Variants in PTCH2 observed in about 807,000 individuals in gnomAD.
PTCH2 encodes patched 2.
A neutral mutation model predicts 117.9 loss-of-function variants in PTCH2; 96 were observed. The observed-to-expected ratio is 0.81, with a 90% confidence interval of 0.69 to 0.96. The LOEUF is 0.96. Among genes scored for constraint, PTCH2 ranks in the 50% least tolerant of loss-of-function variants. The probability of loss-of-function intolerance (pLI) is 0.00; values close to 1 mark genes in which losing one functional copy is unlikely to be tolerated. For missense variants in PTCH2, 1,379 were observed against 1,562.5 expected (o/e 0.88, Z 1.98); for synonymous variants, 615 against 660.9 (o/e 0.93, Z 1.06).
Position 44,826,988 on chromosome 1 carries a change from C to T in PTCH2, c.2609G>A (p.Gly870Asp). ...LTVWVSSDPL[G>D]LAASQANFYP... is the part of the protein sequence containing the mutation. ...GAAGTTGGCCTGTGAGGCTGCCAGA[C>T]CCAGGGGGTCACTGCTCACCCACAC... The change falls in exon 17 of 22, where the codon GGT (glycine) becomes GAT (aspartate). Residue 870 changes from glycine (G) to aspartate (D), a missense_variant. Transcript: ENST00000372192. The surrounding 1 kb of genome is among the most constrained non-coding windows in gnomAD (Gnocchi z 5.1). The T allele has an allele frequency of 6.2e-7, 1 of 1,614,078 alleles. No individual in the cohort carries two copies. The highest frequency in any genetic ancestry group is 8.5e-7 in the Non-Finnish European group (1 of 1,180,028).
At position 44,829,169 on chromosome 1, in the gene PTCH2, A is replaced by G. The variant is rs1653306821; in HGVS notation, c.1359T>C (p.Ala453=). Residue 453 remains alanine (A), a synonymous_variant, in exon 10 of 22, where the codon GCT becomes GCC. Coordinates refer to ENST00000372192, the MANE Select transcript of PTCH2 (RefSeq NM_003738.5). ...AGTCCTGGCGTACCTGGGTAGTGGC[A>G]GCATTGAAGGTGATGCCGAGCAGGG... The part of the protein sequence containing the change: ...LCALLGITFN[A]ATTQVLPFLA... The G allele has an allele frequency of 6.2e-7, 1 of 1,613,806 alleles. No homozygotes were observed. The highest frequency in any genetic ancestry group is 1.3e-5 in the African/African-American group (1 of 75,066).
At position 44,829,646 on chromosome 1, in the gene PTCH2, C is replaced by T; in HGVS notation, c.1051G>A (p.Val351Met). The T allele has an allele frequency of 6.2e-7, 1 of 1,614,220 alleles. No homozygotes were observed. Among genetic ancestry groups the T allele is most frequent in the Non-Finnish European group, 8.5e-7 (1 of 1,180,044 alleles). Residue 351 changes from valine (V) to methionine (M), a missense_variant, in exon 8 of 22, where the codon GTG (valine) becomes ATG (methionine). Coordinates refer to ENST00000372192, the MANE Select transcript of PTCH2 (RefSeq NM_003738.5). The stretch of plus-strand genomic sequence containing the variant: ...AAGCGCCGCTGCCAGGCTTGTAGCA[C>T]TGTGCTGGCCTGCTCCTCACTCCAG... Reference protein sequence around the residue: ...IGWSEEQASTVLQAWQRRFVQ... With the variant: ...IGWSEEQASTMLQAWQRRFVQ...
chr1:44,827,207 A>G lies in PTCH2; in HGVS notation c.2474T>C (p.Ile825Thr). The change falls in exon 16 of 22, where the codon ATC becomes ACC. Residue 825 changes from isoleucine to threonine, a missense_variant. By Grantham distance (89) the Ile-to-Thr change is moderately conservative. Transcript: ENST00000372192. The part of the protein sequence containing the change: ...EDGALAYKLL[I>T]QTGDAQEPLD... ...AGGCTCCTGGGCGTCTCCAGTCTGG[A>G]TGAGCAGCTTGTAGGCCAGGGCCCC... 3.7e-6 allele frequency: 6 copies of G among 1,614,066 alleles called. No individual in the cohort carries two copies. Among genetic ancestry groups the G allele is most frequent in the Non-Finnish European group, 5.1e-6 (6 of 1,180,000 alleles).
At position 44,832,057 on chromosome 1, in the gene PTCH2, G is replaced by A. The variant is rs1181211470; in HGVS notation, c.456-13C>T. The A allele has an allele frequency of 1.9e-6, 3 of 1,612,986 alleles. No homozygotes were observed. The highest frequency in any genetic ancestry group is 2.5e-6 in the Non-Finnish European group (3 of 1,178,988). Reference sequence around the variant, plus strand: ...CAAATCCCAGGACCTGCAATAGCCAGGGGCATAGGAGATCAGCAGAAGAAG... The same window carrying A: ...CAAATCCCAGGACCTGCAATAGCCAAGGGCATAGGAGATCAGCAGAAGAAG... On this transcript the variant is annotated splice_polypyrimidine_tract_variant and intron_variant, in intron 3 of 21. Transcript: ENST00000372192.
chr1:44,838,335 G>A (rs191084117), intron 2 of PTCH2, among the ~76,000 whole-genome samples: 7 of 152,232 alleles, frequency 4.6e-5, no homozygotes, highest in Non-Finnish European at 1.0e-4. Context: ...TCTGCCTCCC[G>A]GGTTCAAGCG....
Position 44,828,520 on chromosome 1 carries a change from C to G in PTCH2, c.1576G>C (p.Ala526Pro), listed in dbSNP as rs754731060. 4 of 1,614,162 alleles carry G rather than the reference C, an allele frequency of 2.5e-6. No individual in the cohort carries two copies. The highest frequency in any genetic ancestry group is 3.4e-6 in the Non-Finnish European group (4 of 1,180,024). The change falls in exon 12 of 22, where the codon GCC becomes CCC. Residue 526 changes from alanine to proline, a missense_variant. Transcript: ENST00000372192. ...AALVPIPALR[A>P]FSLQAAIVVG... ...AGAGGCCTCACCTGTAGGGAGAAGG[C>G]TCGCAGCGCAGGGATGGGAACGAGG...
Position 44,826,595 on chromosome 1 carries a change from A to G in PTCH2, c.2869T>C (p.Tyr957His). 6.2e-7 allele frequency: 1 copy of G among 1,613,348 alleles called. No homozygotes were observed. Among genetic ancestry groups the G allele is most frequent in the Non-Finnish European group, 8.5e-7 (1 of 1,179,998 alleles). The change falls in exon 18 of 22, where the codon TAT becomes CAT. Residue 957 changes from tyrosine (Y) to histidine (H), a missense_variant. Tyr to His is a moderately conservative substitution (Grantham distance 83). Coordinates refer to ENST00000372192, the MANE Select transcript of PTCH2 (RefSeq NM_003738.5). The surrounding 1 kb of genome is among the most constrained non-coding windows in gnomAD (Gnocchi z 5.1). Reference protein sequence around the residue: ...SGSPFLFWEQYLGLRRCFLLA... With the variant: ...SGSPFLFWEQHLGLRRCFLLA... ...AGGAAGCAGCGCCGCAGGCCCAGAT[A>G]CTGTTCCCAGAAGAGGAAGGGGGAG...
intron 2 of PTCH2, among the ~76,000 whole-genome samples, chr1:44,832,741 AGGGCCAATAG>A (rs1052218012): frequency 3.9e-5 from 6 of 152,112 alleles, no homozygotes; most frequent in Non-Finnish European, 5.9e-5. Flanking sequence ...GAGGACAAGG[AGGGCCAATAG>A]GGGCCAATAG....
intron 2 of PTCH2, among the ~76,000 whole-genome samples, chr1:44,839,373 A>AC (rs1350119204): frequency 1.1e-4 from 16 of 147,432 alleles, no homozygotes; most frequent in African/African-American, 2.9e-4. Context: ...AAAAAAAAAA[A>AC]AAAAAAAAAA....
Position 44,829,058 on chromosome 1 carries a change from G to A in PTCH2, c.1388C>T (p.Ala463Val), listed in dbSNP as rs1010311067. 1 of 1,608,986 alleles carries A rather than the reference G, an allele frequency of 6.2e-7. No homozygotes were observed. The highest frequency in any genetic ancestry group is 8.5e-7 in the Non-Finnish European group (1 of 1,177,678). The part of the protein sequence containing the change: ...AATTQVLPFL[A>V]LGIGVDDVFL... The stretch of plus-strand genomic sequence containing the variant: ...TACGTCATCCACGCCGATTCCCAGA[G>A]CCAAGAAGGGCAGCACCTGGAGGGG... Residue 463 changes from alanine (A) to valine (V), a missense_variant, in exon 11 of 22, where the codon GCT (alanine) becomes GTT (valine). Physicochemically the swap from Ala to Val is moderately conservative, Grantham distance 64. Transcript: ENST00000372192.
intron 3 of PTCH2, 21 bp downstream of exon 3, chr1:44,832,131 C>G (rs1432435792): frequency 1.9e-6 from 3 of 1,614,064 alleles, no homozygotes; most frequent in African/African-American, 1.3e-5. Context: ...CCCAGCTGCT[C>G]AGGGGCTCAG....
At position 44,827,408 on chromosome 1, in the gene PTCH2, G is replaced by T; in HGVS notation, c.2365C>A (p.Leu789Ile). 6.2e-7 allele frequency: 1 copy of T among 1,614,028 alleles called. No individual in the cohort carries two copies. Among genetic ancestry groups the T allele is most frequent in the Non-Finnish European group, 8.5e-7 (1 of 1,179,998 alleles). The change falls in exon 15 of 22, where the codon CTA becomes ATA. Residue 789 changes from leucine (L) to isoleucine (I), a missense_variant. Transcript: ENST00000372192. ...RTWLHYYRNW[L>I]QGIQAAFDQD... ...CCGTCTCCTCGCCTCTCACCCTGTA[G>T]CCAGTTGCGGTAATAGTGCAGCCAG...
chr1:44,829,984 G>A lies in PTCH2; in HGVS notation c.860C>T (p.Ser287Phe), dbSNP rs1458470156. 6.8e-6 allele frequency: 11 copies of A among 1,614,168 alleles called. No homozygotes were observed. The highest frequency in any genetic ancestry group is 7.6e-6 in the Non-Finnish European group (9 of 1,180,022). The stretch of plus-strand genomic sequence containing the variant: ...CTCCTGCCAGTGCATGAATTTGTGG[G>A]AGAAGCCATGGCAGCCCCCACTCAG... ...HELSGGCHGF[S>F]HKFMHWQEEL... Residue 287 changes from serine to phenylalanine, a missense_variant, in exon 7 of 22, where the codon TCC (serine) becomes TTC (phenylalanine). Physicochemically the swap from Ser to Phe is radical, Grantham distance 155. Transcript: ENST00000372192.
intron 2 of PTCH2, among the ~76,000 whole-genome samples, chr1:44,841,445 CT>C (rs1421205855): frequency 1.3e-5 from 2 of 152,182 alleles, no homozygotes; most frequent in African/African-American, 4.8e-5. Flanking sequence ...CCTACCCTAT[CT>C]TATACCACAT....
At position 44,842,949 on chromosome 1, in the gene PTCH2, G is replaced by A. The variant is rs1216773026; in HGVS notation, c.-17C>T. Reference sequence around the variant, plus strand: ...TCGAGTCATGCTGGCGGGGATGGGGGGCGCGGGCGCCCCCAACCCGCGTTA... The same window carrying A: ...TCGAGTCATGCTGGCGGGGATGGGGAGCGCGGGCGCCCCCAACCCGCGTTA... On this transcript the variant is annotated 5_prime_UTR_variant, in exon 1 of 22. Transcript: ENST00000372192. 6.5e-7 allele frequency: 1 copy of A among 1,530,918 alleles called. No homozygotes were observed. The highest frequency in any genetic ancestry group is 8.8e-7 in the Non-Finnish European group (1 of 1,139,800). 94.8% of individuals were successfully genotyped at this position (1,530,918 alleles called of 1,614,324 possible). A position where few individuals can be genotyped will look rare whatever the true frequency, so the allele number is the denominator to read the frequency against.
intron 2 of PTCH2, among the ~76,000 whole-genome samples, chr1:44,835,415 C>T (rs11573565): frequency 0.011 from 1,732 of 152,296 alleles, 11 homozygotes; most frequent in Non-Finnish European, 0.019. Context: ...TGGAAAAAGA[C>T]TCTACCTTAT....
In PTCH2 at chr1:44,829,543, C is replaced by G. The variant is rs775188718; in HGVS notation, c.1084-10G>C. On this transcript the variant is annotated splice_polypyrimidine_tract_variant and intron_variant, in intron 8 of 21. Coordinates refer to ENST00000372192, the MANE Select transcript of PTCH2 (RefSeq NM_003738.5). The stretch of plus-strand genomic sequence containing the variant: ...GGGCCTCCTGGGCCAGCTGGAGAAA[C>G]AGGGTGGATAGGAGGGGGCAGGAGG... The G allele has an allele frequency of 1.9e-6, 3 of 1,614,130 alleles. No individual in the cohort carries two copies. The highest frequency in any genetic ancestry group is 2.5e-6 in the Non-Finnish European group (3 of 1,179,994).
intron 2 of PTCH2, among the ~76,000 whole-genome samples, chr1:44,838,131 G>A (rs1266260054): frequency 6.6e-6 from 1 of 151,852 alleles, no homozygotes; most frequent in East Asian, 1.9e-4. Context: ...AGGTTAAGAA[G>A]CAAGGATTTA....
chr1:44,823,519 G>A lies in PTCH2; in HGVS notation c.3115-134C>T. ...AAGGCTGGGTGAACTAAGTTCATGGGAACTGTACAGGGAGCATGCGTGAGT... is the reference window on the plus strand; with the variant it reads ...AAGGCTGGGTGAACTAAGTTCATGGAAACTGTACAGGGAGCATGCGTGAGT... On this transcript the variant is annotated intron_variant, in intron 19 of 21. Transcript: ENST00000372192. This position sits in a 1 kb window ranked among gnomAD's most constrained non-coding sequence, Gnocchi z 5.1. 2 of 1,214,938 alleles carry A rather than the reference G, an allele frequency of 1.6e-6. No homozygotes were observed. The highest frequency in any genetic ancestry group is 2.4e-6 in the Non-Finnish European group (2 of 837,730). 75.3% of individuals were successfully genotyped at this position (1,214,938 alleles called of 1,614,324 possible).
Sources: allele counts gnomAD v4.1 joint callset (sites outside exome capture counted in the v4.1 genomes callset), GRCh38; gene constraint gnomAD v4.1.1; non-coding constraint Gnocchi (gnomAD v3.1); transcripts MANE v1.5; gene names NCBI Gene and HGNC (gene_info 2026-07-23, HGNC 2026-07-21).